Variants in TBC1D24 observed in about 807,000 individuals in gnomAD.
TBC1D24 encodes the protein TBC1 domain family member 24, also known as Infantile myoclonic epilepsy.
Under a neutral mutation model 50.7 loss-of-function variants are expected in TBC1D24, and 47 were observed. That is an observed-to-expected ratio of 0.93 (90% confidence interval 0.73 to 1.18). The LOEUF (loss-of-function observed/expected upper bound fraction) is 1.18. TBC1D24 is among the 50% of genes most tolerant of loss of function. The probability of loss-of-function intolerance (pLI) is 0.00; values close to 1 mark genes in which losing one functional copy is unlikely to be tolerated. For synonymous variants in TBC1D24, 324 were observed against 335.2 expected (o/e 0.97, Z 0.36); for missense variants, 688 against 766.5 (o/e 0.90, Z 1.21).
chr16:2,485,031 C>G lies in TBC1D24; in HGVS notation c.-116+9861C>G, dbSNP rs901849700. On this transcript the variant is annotated intron_variant, in intron 1 of 7. Transcript: ENST00000646147. This position sits in a 1 kb window ranked among gnomAD's most constrained non-coding sequence, Gnocchi z 4.6. ...TCCAGGTCTGCTTTTAGGCCCCAGTCCCTGCCCCATCTAGTGTGTTCTTCC... is the reference window on the plus strand; with the variant it reads ...TCCAGGTCTGCTTTTAGGCCCCAGTGCCTGCCCCATCTAGTGTGTTCTTCC... 6.6e-6 allele frequency: 1 copy of G among 152,166 alleles called. No individual in the cohort carries two copies. Among genetic ancestry groups the G allele is most frequent in the Non-Finnish European group, 1.5e-5 (1 of 68,032 alleles). 9.4% of individuals were successfully genotyped at this position (152,166 alleles called of 1,614,324 possible). A position where few individuals can be genotyped will look rare whatever the true frequency, so the allele number is the denominator to read the frequency against.
rs202124579 is a variant in TBC1D24 at position 2,496,145 on chromosome 16, C to T, written c.-4C>T. 8.7e-5 allele frequency: 140 copies of T among 1,613,742 alleles called. 2 individuals carry two copies. The East Asian group carries it at 2.8e-3, about 32-fold the overall frequency. ...CAGGGCCTCCTCCCGAGCACAGCGGCGCTATGGACTCTCCAGGATACAACT... is the reference window on the plus strand; with the variant it reads ...CAGGGCCTCCTCCCGAGCACAGCGGTGCTATGGACTCTCCAGGATACAACT... On this transcript the variant is annotated 5_prime_UTR_variant, in exon 2 of 8. Coordinates refer to ENST00000646147, the MANE Select transcript of TBC1D24 (RefSeq NM_001199107.2).
chr16:2,480,156 G>A lies in TBC1D24; in HGVS notation c.-116+4986G>A, dbSNP rs907841058. The A allele has an allele frequency of 2.6e-5, 4 of 151,916 alleles. No individual in the cohort carries two copies. In the East Asian group the frequency reaches 5.8e-4, roughly 22 times the overall value. The allele number at this position is 151,916 out of a possible 1,614,324, so 9.4% of individuals were successfully genotyped here. Reference sequence around the variant, plus strand: ...TTAATTGTTTTTTTTTAAGAGACTGGGTCTTGCTCTGTTGTCCAGGCTGGA... The same window carrying A: ...TTAATTGTTTTTTTTTAAGAGACTGAGTCTTGCTCTGTTGTCCAGGCTGGA... On this transcript the variant is annotated intron_variant, in intron 1 of 7. Coordinates refer to ENST00000646147, the MANE Select transcript of TBC1D24 (RefSeq NM_001199107.2).
intron 1 of TBC1D24, chr16:2,478,058 G>A (rs1567403241): frequency 6.6e-6 from 1 of 152,318 alleles, no homozygotes; most frequent in Non-Finnish European, 1.5e-5. Context: ...AAGATCTTGG[G>A]TTTGTGAGTG....
Position 2,496,658 on chromosome 16 carries a change from C to T in TBC1D24, c.510C>T (p.Asp170=). 6.2e-7 allele frequency: 1 copy of T among 1,612,968 alleles called. No individual in the cohort carries two copies. Among genetic ancestry groups the T allele is most frequent in the Non-Finnish European group, 8.5e-7 (1 of 1,180,026 alleles). The change falls in exon 2 of 8, where the codon GAC becomes GAT. Residue 170 remains aspartate (D), a synonymous_variant. Transcript: ENST00000646147. ...ACNDPGRRLI[D]QSFLAFESSC... ...ATGACCCCGGCAGGAGGCTGATCGA[C>T]CAGAGCTTCCTGGCCTTTGAGTCGT...
chr16:2,479,314 G>C (rs2065592578), intron 1 of TBC1D24: 1 of 152,228 alleles, frequency 6.6e-6, no homozygotes, highest in South Asian at 2.1e-4. Flanking sequence ...TCCAGCTTCA[G>C]TGTCGCTCTT....
intron 1 of TBC1D24, chr16:2,477,022 G>C (rs1299698314): frequency 6.6e-6 from 1 of 152,144 alleles, no homozygotes. Context: ...AAGTACATAA[G>C]GACAATGAAG....
Position 2,499,705 on chromosome 16 carries a change from TGGGGTGGGGGTGGGAGACG to T in TBC1D24, c.1207-128_1207-110del. ...TGCCTTTCCCACACCACTCCTGCCC[TGGGGTGGGGGTGGGAGACG>T]GCAATGCCTGCACCCCCACCTGTGA... On this transcript the variant is annotated intron_variant, in intron 5 of 7. Transcript: ENST00000646147. The surrounding 1 kb of genome is among the most constrained non-coding windows in gnomAD (Gnocchi z 4.0). 3.4e-6 allele frequency: 3 copies of T among 873,166 alleles called. No homozygotes were observed. Among genetic ancestry groups the T allele is most frequent in the Non-Finnish European group, 2.0e-6 (1 of 510,094 alleles). The allele number at this position is 873,166 out of a possible 1,614,324, so 54.1% of individuals were successfully genotyped here.
Position 2,492,285 on chromosome 16 carries a change from C to T in TBC1D24, c.-115-3749C>T, listed in dbSNP as rs185379844. Among the ~76,000 whole-genome samples the T allele has an allele frequency of 3.9e-5, 6 of 152,180 alleles. No homozygotes were observed. In the East Asian group the frequency reaches 9.7e-4, roughly 24 times the overall value. ...GGGTCTTTTGCACACATCCTTGGCT[C>T]GGGGGTCCCTGTGAGTCCAGCACGT... On this transcript the variant is annotated intron_variant, in intron 1 of 7. Transcript: ENST00000646147.
At chr16:2,476,077 C>A (rs2065565746) in intron 1 of TBC1D24, among the ~76,000 whole-genome samples, 1 of 152,174 alleles carries the variant, frequency 6.6e-6, no homozygotes, top group Non-Finnish European at 1.5e-5. Flanking sequence ...GTCAGCCTGC[C>A]CTTCCAGTGC....
rs1245348113 is a variant in TBC1D24 at position 2,500,025 on chromosome 16, C to G, written c.1302+95C>G. ...CTGCCCTGGGGACACTGTTGGGTGT[C>G]GCCATGGCAGTCACCCAGCAGCGTC... On this transcript the variant is annotated intron_variant, in intron 6 of 7. Transcript: ENST00000646147. The surrounding 1 kb of genome is among the most constrained non-coding windows in gnomAD (Gnocchi z 8.0). 1 of 1,194,794 alleles carries G rather than the reference C, an allele frequency of 8.4e-7. No homozygotes were observed. The highest frequency in any genetic ancestry group is 1.3e-6 in the Non-Finnish European group (1 of 798,762). The allele number at this position is 1,194,794 out of a possible 1,614,324, so 74.0% of individuals were successfully genotyped here.
At position 2,503,327 on chromosome 16, in the gene TBC1D24, T is replaced by C. The variant is rs967289913; in HGVS notation, c.*2369T>C. The C allele has an allele frequency of 6.6e-6, 1 of 152,232 alleles. No homozygotes were observed. The highest frequency in any genetic ancestry group is 6.5e-5 in the Admixed American group (1 of 15,290). The allele number at this position is 152,232 out of a possible 1,614,324, so 9.4% of individuals were successfully genotyped here. ...GTGTGATTATTATCTTTTTTATTCT[T>C]ATCACTGTACTTGTTAGTATCTGAT... On this transcript the variant is annotated 3_prime_UTR_variant, in exon 8 of 8. Coordinates refer to ENST00000646147, the MANE Select transcript of TBC1D24 (RefSeq NM_001199107.2).
rs189186174 is a variant in TBC1D24 at position 2,487,181 on chromosome 16, C to G, written c.-115-8853C>G. Among the ~76,000 whole-genome samples the G allele has an allele frequency of 8.4e-4, 128 of 152,382 alleles. No homozygotes were observed. The highest frequency in any genetic ancestry group is 3.0e-3 in the African/African-American group (125 of 41,602). ...CACCGTCCCCACCCACAGGCTGCCT[C>G]CACACCTTTCCGCCCCTTCCACAGC... On this transcript the variant is annotated intron_variant, in intron 1 of 7. Transcript: ENST00000646147. This position sits in a 1 kb window ranked among gnomAD's most constrained non-coding sequence, Gnocchi z 4.1.
rs781192279 is a variant in TBC1D24, at chr16:2,485,895, C to T, written c.-115-10139C>T. ...CAGGCCCTCTCAGCCACCCCCACAC[C>T]GTCCCTACCATTCCCACCTGGCCCG... On this transcript the variant is annotated intron_variant, in intron 1 of 7. Coordinates refer to ENST00000646147, the MANE Select transcript of TBC1D24 (RefSeq NM_001199107.2). This position sits in a 1 kb window ranked among gnomAD's most constrained non-coding sequence, Gnocchi z 4.6. Among the ~76,000 whole-genome samples, 20 of 152,202 alleles carry T rather than the reference C, an allele frequency of 1.3e-4. No individual in the cohort carries two copies. Among genetic ancestry groups the T allele is most frequent in the African/African-American group, 3.4e-4 (14 of 41,434 alleles).
In TBC1D24 at chr16:2,498,232, C is replaced by G; in HGVS notation, c.984-6C>G. The G allele has an allele frequency of 6.2e-7, 1 of 1,603,608 alleles. No homozygotes were observed. Among genetic ancestry groups the G allele is most frequent in the Non-Finnish European group, 8.5e-7 (1 of 1,174,704 alleles). ...TCGGGCTCTGACCCCTGCTCGCTCC[C>G]CTCAGGCAGTTTGTACACTTGGCCG... On this transcript the variant is annotated splice_region_variant and splice_polypyrimidine_tract_variant and intron_variant, in intron 3 of 7. Transcript: ENST00000646147.
chr16:2,497,147 AG>A (rs776765859), intron 2 of TBC1D24, 34 bp downstream of exon 2: 3 of 1,598,420 alleles, frequency 1.9e-6, no homozygotes, highest in Non-Finnish European at 2.5e-6. Flanking sequence ...GGGTACACCC[AG>A]GGTCGGGGGC....
At position 2,499,352 on chromosome 16, in the gene TBC1D24, G is replaced by T. The variant is rs754105574; in HGVS notation, c.1143-5G>T. ...TGACAGCTGGCATGCGTGTCTCTAC[G>T]CCAGGTTCTACTTCCAGTGTGAAGG... On this transcript the variant is annotated splice_polypyrimidine_tract_variant and splice_region_variant and intron_variant, in intron 4 of 7. Transcript: ENST00000646147. The surrounding 1 kb of genome is among the most constrained non-coding windows in gnomAD (Gnocchi z 4.0). 6.2e-7 allele frequency: 1 copy of T among 1,612,486 alleles called. No homozygotes were observed. The highest frequency in any genetic ancestry group is 1.7e-5 in the Admixed American group (1 of 59,790).
At chr16:2,488,251 T>A (rs1042010551) in intron 1 of TBC1D24, among the ~76,000 whole-genome samples, 1 of 152,114 alleles carries the variant, frequency 6.6e-6, no homozygotes, top group Non-Finnish European at 1.5e-5. Flanking sequence ...TGCTGTTGGG[T>A]GTTCCTGGCT....
chr16:2,496,736 G>A lies in TBC1D24; in HGVS notation c.588G>A (p.Lys196=). ...LVNKYCQAAH[K]LMVAVSEDVL... ...ACAAGTACTGCCAGGCGGCCCACAA[G>A]CTGATGGTGGCCGTGTCGGAGGATG... is the stretch of plus-strand genomic sequence containing the variant. The change falls in exon 2 of 8, where the codon AAG becomes AAA. Residue 196 remains lysine (K), a synonymous_variant. Transcript: ENST00000646147. 2 of 1,613,830 alleles carry A rather than the reference G, an allele frequency of 1.2e-6. No homozygotes were observed. Among genetic ancestry groups the A allele is most frequent in the Non-Finnish European group, 1.7e-6 (2 of 1,180,052 alleles).
chr16:2,501,033 G>A lies in TBC1D24; in HGVS notation c.*75G>A, dbSNP rs950178766. On this transcript the variant is annotated 3_prime_UTR_variant, in exon 8 of 8. Coordinates refer to ENST00000646147, the MANE Select transcript of TBC1D24 (RefSeq NM_001199107.2). The stretch of plus-strand genomic sequence containing the variant: ...GGGCTGCCGCCTCGGGCAGCAGAGA[G>A]CAGATGAAACCCCCATGTGGTAGGC... 12 of 1,579,578 alleles carry A rather than the reference G, an allele frequency of 7.6e-6. No individual in the cohort carries two copies. The African/African-American group carries it at 1.5e-4, about 19-fold the overall frequency.
Sources: gnomAD v4.1 joint callset for allele counts (sites outside exome capture counted in the v4.1 genomes callset) on GRCh38, gnomAD v4.1.1 for gene constraint, Gnocchi (gnomAD v3.1) non-coding constraint, MANE v1.5 for transcripts, NCBI Gene and HGNC (gene_info 2026-07-23, HGNC 2026-07-21) for gene names.